PNPLA8: variants seen among roughly 807,000 people sequenced by gnomAD.
The protein encoded by PNPLA8 is calcium-independent phospholipase A2-gamma.
In PNPLA8, 39 loss-of-function variants were observed where a neutral mutation model predicts 76.9. That is an observed-to-expected ratio of 0.51 (90% confidence interval 0.39 to 0.66). The LOEUF (loss-of-function observed/expected upper bound fraction) is 0.66, where lower values mean the gene tolerates loss of function less well. PNPLA8 is among the 30% of genes least tolerant of loss of function. PNPLA8 has a pLI of 0.00. For synonymous variants in PNPLA8, 301 were observed against 307.9 expected (o/e 0.98, Z 0.24); for missense variants, 887 against 918.0 (o/e 0.97, Z 0.44).
rs745545880 is a variant in PNPLA8, at chr7:108,514,495, C to G, written c.997G>C (p.Ala333Pro). The G allele has an allele frequency of 1.2e-6, 2 of 1,613,754 alleles. No homozygotes were observed. The highest frequency in any genetic ancestry group is 4.5e-5 in the East Asian group (2 of 44,880). Residue 333 changes from alanine (A) to proline (P), a missense_variant, in exon 3 of 11, where the codon GCT becomes CCT. Transcript: ENST00000257694. Reference sequence around the variant, plus strand: ...TCTGCATTTCTGTCTTTGCTGACAGCCTGATCAGTTTTAGCAGGCTCTTCC... The same window carrying G: ...TCTGCATTTCTGTCTTTGCTGACAGGCTGATCAGTTTTAGCAGGCTCTTCC... ...EQEEPAKTDQ[A>P]VSKDRNAEEK...
chr7:108,498,595 C>T (rs1176755155), intron 5 of PNPLA8, among the ~76,000 whole-genome samples: 2 of 151,982 alleles, frequency 1.3e-5, no homozygotes, highest in Non-Finnish European at 2.9e-5. Context: ...TTTAAGCTCC[C>T]TTTTCTTTAT....
intron 9 of PNPLA8, among the ~76,000 whole-genome samples, chr7:108,484,721 T>C (rs1860623964): frequency 6.6e-6 from 1 of 152,204 alleles, no homozygotes; most frequent in South Asian, 2.1e-4. Flanking sequence ...CTTAATCCTG[T>C]ACATATATTG....
At chr7:108,517,815 G>A (rs1317830490) in intron 2 of PNPLA8, among the ~76,000 whole-genome samples, 1 of 152,076 alleles carries the variant, frequency 6.6e-6, no homozygotes, top group Non-Finnish European at 1.5e-5. Flanking sequence ...TGTCACCCAG[G>A]CTGGAGTGCA....
intron 2 of PNPLA8, among the ~76,000 whole-genome samples, 160 bp downstream of exon 2, chr7:108,521,316 A>G (rs1863723600): frequency 1.3e-5 from 2 of 152,186 alleles, no homozygotes; most frequent in Admixed American, 1.3e-4. Context: ...CTACAAACAC[A>G]CCTATAATGA....
At chr7:108,492,811 C>T (rs1054351138) in intron 7 of PNPLA8, among the ~76,000 whole-genome samples, 1 of 152,204 alleles carries the variant, frequency 6.6e-6, no homozygotes, top group Non-Finnish European at 1.5e-5. Flanking sequence ...CAGTGAATCA[C>T]AGTCCTGGTA....
intron 9 of PNPLA8, among the ~76,000 whole-genome samples, chr7:108,483,310 C>T (rs1413301957): frequency 6.6e-6 from 1 of 152,076 alleles, no homozygotes; most frequent in Non-Finnish European, 1.5e-5. Flanking sequence ...TTTGTGATAC[C>T]CTTGAGATAA....
Position 108,514,160 on chromosome 7 carries a change from T to G in PNPLA8, c.1190A>C (p.Lys397Thr). Residue 397 changes from lysine (K) to threonine (T), a missense_variant, in exon 4 of 11, where the codon AAA becomes ACA. By Grantham distance (78) the Lys-to-Thr change is moderately conservative. Coordinates refer to ENST00000257694, the MANE Select transcript of PNPLA8 (RefSeq NM_001256007.3). ...AGAAATTACCTTGACAGCCACTCCT[T>G]TTCCTTCAGGAAATTCTAGAAGATG... ...TFHLLEFPEG[K>T]GVAVKERIIP... 6.2e-7 allele frequency: 1 copy of G among 1,605,772 alleles called. No individual in the cohort carries two copies. Among genetic ancestry groups the G allele is most frequent in the Non-Finnish European group, 8.5e-7 (1 of 1,174,380 alleles).
intron 7 of PNPLA8, among the ~76,000 whole-genome samples, chr7:108,494,960 C>CT (rs1272796547): frequency 2.0e-5 from 3 of 151,986 alleles, no homozygotes; most frequent in African/African-American, 7.2e-5. Context: ...AAACCAAAAC[C>CT]TTTTTTTAAG....
At chr7:108,508,713 G>T (rs527273372) in intron 4 of PNPLA8, among the ~76,000 whole-genome samples, 1 of 151,668 alleles carries the variant, frequency 6.6e-6, no homozygotes, top group Admixed American at 6.6e-5. Context: ...AGCCCACATT[G>T]CCAAGTCAAT....
Position 108,512,690 on chromosome 7 carries a change from G to A in PNPLA8, c.1206+1454C>T, listed in dbSNP as rs1039427214. ...CACACTAGAGTGTACATGCTGACAC[G>A]TTATATGCAATTTGTCCAGTTCACT... On this transcript the variant is annotated intron_variant, in intron 4 of 10. Coordinates refer to ENST00000257694, the MANE Select transcript of PNPLA8 (RefSeq NM_001256007.3). Among the ~76,000 whole-genome samples the A allele has an allele frequency of 1.6e-4, 25 of 152,126 alleles. 1 individual carries two copies. The highest frequency in any genetic ancestry group is 3.9e-4 in the Admixed American group (6 of 15,268).
At chr7:108,502,776 T>C (rs1166473432) in intron 4 of PNPLA8, 134 bp from the exon 5 acceptor site, 2 of 527,446 alleles carry the variant, frequency 3.8e-6, no homozygotes, top group South Asian at 3.4e-5. Flanking sequence ...TCAGTAATCT[T>C]ATAAGACAGA....
rs1162935730 is a variant in PNPLA8 at position 108,481,966 on chromosome 7, AT to A, written c.1879-2588del. ...CAACACAATTTTTGCTGAAAAGACT[AT>A]CCTTTCTCCACTGAATTGCTTTTGT... On this transcript the variant is annotated intron_variant, in intron 9 of 10. Transcript: ENST00000257694. Among the ~76,000 whole-genome samples the A allele has an allele frequency of 3.9e-5, 6 of 152,256 alleles. No individual in the cohort carries two copies. In the East Asian group the frequency reaches 1.2e-3, roughly 29 times the overall value.
chr7:108,491,765 G>C (rs1023302612), intron 7 of PNPLA8, among the ~76,000 whole-genome samples: 11 of 152,218 alleles, frequency 7.2e-5, no homozygotes, highest in African/African-American at 2.4e-4. Context: ...GACATTGAAA[G>C]ACTGCAAGGC....
At position 108,510,671 on chromosome 7, in the gene PNPLA8, A is replaced by C. The variant is rs1862851842; in HGVS notation, c.1206+3473T>G. The C allele has an allele frequency of 7.5e-6, 12 of 1,597,134 alleles. No homozygotes were observed. The Admixed American group carries it at 1.8e-4, about 24-fold the overall frequency. The stretch of plus-strand genomic sequence containing the variant: ...TATTGCATGGGGGTACCCCAATCTG[A>C]AGTCAGTAAATGAACTAATCTACAA... On this transcript the variant is annotated intron_variant, in intron 4 of 10. Transcript: ENST00000257694.
At chr7:108,506,561 C>G (rs1383000477) in intron 4 of PNPLA8, among the ~76,000 whole-genome samples, 1 of 152,078 alleles carries the variant, frequency 6.6e-6, no homozygotes, top group Non-Finnish European at 1.5e-5. Flanking sequence ...TCCAAAGAAA[C>G]GAAGACCTAT....
chr7:108,475,521 C>A (rs577121768), intron 10 of PNPLA8, among the ~76,000 whole-genome samples: 2 of 152,172 alleles, frequency 1.3e-5, no homozygotes, highest in South Asian at 4.2e-4. Flanking sequence ...TGATGTGATA[C>A]CTTAACAATA....
chr7:108,496,548 T>C (rs764681645), intron 7 of PNPLA8, 36 bp downstream of exon 7: 3 of 1,380,544 alleles, frequency 2.2e-6, no homozygotes, highest in Non-Finnish European at 3.0e-6. Context: ...ACTACCTATA[T>C]AATCAGAAGA....
Position 108,514,418 on chromosome 7 carries a change from G to A in PNPLA8, c.1056+18C>T. 1 of 1,586,174 alleles carries A rather than the reference G, an allele frequency of 6.3e-7. No homozygotes were observed. On this transcript the variant is annotated intron_variant, in intron 3 of 10. Transcript: ENST00000257694. Reference sequence around the variant, plus strand: ...TGACAAAAAGTAATAGAACCGAAAAGCACACTGAACAACTTGCCTTTTCTC... The same window carrying A: ...TGACAAAAAGTAATAGAACCGAAAAACACACTGAACAACTTGCCTTTTCTC...
At position 108,521,467 on chromosome 7, in the gene PNPLA8, T is replaced by C; in HGVS notation, c.-84+9A>G. 1 of 751,156 alleles carries C rather than the reference T, an allele frequency of 1.3e-6. No individual in the cohort carries two copies. The allele number at this position is 751,156 out of a possible 1,614,324, so 46.5% of individuals were successfully genotyped here. ...GAGACATTACAAAATAAAGGAATGA[T>C]CCACTTACTTATTAAACTTCAGGTA... On this transcript the variant is annotated intron_variant, in intron 2 of 10. Coordinates refer to ENST00000257694, the MANE Select transcript of PNPLA8 (RefSeq NM_001256007.3).
Sources: gnomAD v4.1 joint callset for allele counts (sites outside exome capture counted in the v4.1 genomes callset) on GRCh38, gnomAD v4.1.1 for gene constraint, MANE v1.5 for transcripts, NCBI Gene and HGNC (gene_info 2026-07-23, HGNC 2026-07-21) for gene names.